Variants in ERBB3 observed in about 807,000 individuals in gnomAD.
ERBB3 encodes the protein erb-b2 receptor tyrosine kinase 3, also known as receptor tyrosine-protein kinase erbB-3.
A neutral mutation model predicts 156.7 loss-of-function variants in ERBB3; 96 were observed. The observed-to-expected ratio is 0.61, with a 90% CI of 0.52 to 0.73. The LOEUF (loss-of-function observed/expected upper bound fraction) is 0.73, where lower values mean the gene tolerates loss of function less well. Ranked by LOEUF, ERBB3 falls within the 30% of genes least tolerant of loss-of-function variation. The probability of loss-of-function intolerance (pLI) is 0.00; values close to 1 mark genes in which losing one functional copy is unlikely to be tolerated. For synonymous variants in ERBB3, 567 were observed against 632.0 expected, an observed-to-expected ratio of 0.90 and a Z score of 1.54; for missense variants, 1,406 against 1,709.4, an observed-to-expected ratio of 0.82 and a Z score of 3.13.
intron 1 of ERBB3, among the ~76,000 whole-genome samples, chr12:56,080,874 A>G (rs560822924): frequency 2.2e-4 from 34 of 152,028 alleles, no homozygotes; most frequent in African/African-American, 7.7e-4. Flanking sequence ...CTGGTGTTGG[A>G]AAAACAGGAG....
chr12:56,094,421 A>C lies in ERBB3; in HGVS notation c.1724A>C (p.Gln575Pro). 6.2e-7 allele frequency: 1 copy of C among 1,614,098 alleles called. No homozygotes were observed. Among genetic ancestry groups the C allele is most frequent in the Non-Finnish European group, 8.5e-7 (1 of 1,180,016 alleles). Residue 575 changes from glutamine to proline, a missense_variant, in exon 15 of 28, where the codon CAA becomes CCA. Coordinates refer to ENST00000267101, the MANE Select transcript of ERBB3 (RefSeq NM_001982.4). ...CNGSGSDTCA[Q>P]CAHFRDGPHC... is the part of the protein sequence containing the mutation. ...ACTCAGGGCTCTGATACTTGTGCTCAATGTGCCCATTTTCGAGATGGGCCC... is the reference window on the plus strand; with the variant it reads ...ACTCAGGGCTCTGATACTTGTGCTCCATGTGCCCATTTTCGAGATGGGCCC...
intron 1 of ERBB3, chr12:56,083,250 C>T: frequency 4.3e-6 from 1 of 230,356 alleles, no homozygotes; most frequent in South Asian, 6.4e-5. Context: ...CCAGGCACTG[C>T]CCCCACCCTC....
intron 17 of ERBB3, 33 bp downstream of exon 17, chr12:56,095,839 TC>T (rs1467067013): frequency 6.2e-7 from 1 of 1,613,476 alleles, no homozygotes; most frequent in African/African-American, 1.3e-5. Context: ...TTTTTTCTTT[TC>T]TTTTTTTGCA....
At chr12:56,093,941 T>A in intron 13 of ERBB3, 45 bp downstream of exon 13, 1 of 1,611,136 alleles carries the variant, frequency 6.2e-7, no homozygotes, top group Non-Finnish European at 8.5e-7. Flanking sequence ...GGTGGGGCCC[T>A]GCAATGGAAC....
intron 9 of ERBB3, among the ~76,000 whole-genome samples, chr12:56,089,924 A>C (rs1441720153): frequency 1.1e-5 from 1 of 87,710 alleles, no homozygotes; most frequent in Non-Finnish European, 2.5e-5. Flanking sequence ...TTTTTCCTTT[A>C]ATTTTTTATT....
Position 56,102,364 on chromosome 12 carries a change from C to A in ERBB3, c.*309C>A. 1 of 392,842 alleles carries A rather than the reference C, an allele frequency of 2.5e-6. No homozygotes were observed. The allele number at this position is 392,842 out of a possible 1,614,324, so 24.3% of individuals were successfully genotyped here. A position where few individuals can be genotyped will look rare whatever the true frequency, so the allele number is the denominator to read the frequency against. ...GATATGAAGGATTACTCTCCATATCCCTTCCTCTCAGGCTCTTGACTACTT... is the reference window on the plus strand; with the variant it reads ...GATATGAAGGATTACTCTCCATATCACTTCCTCTCAGGCTCTTGACTACTT... On this transcript the variant is annotated 3_prime_UTR_variant, in exon 28 of 28. Transcript: ENST00000267101.
intron 9 of ERBB3, 146 bp from the exon 10 acceptor site, chr12:56,092,600 AT>A (rs2136807704): frequency 2.9e-6 from 2 of 695,254 alleles, no homozygotes; most frequent in South Asian, 3.1e-5. Context: ...GGCTTATATT[AT>A]ATTTCCCCCA....
rs1425230396 is a variant in ERBB3 at position 56,087,828 on chromosome 12, G to A, written c.647G>A (p.Gly216Asp). 6.2e-7 allele frequency: 1 copy of A among 1,614,062 alleles called. No individual in the cohort carries two copies. The highest frequency in any genetic ancestry group is 2.2e-5 in the East Asian group (1 of 44,884). ...TKTICAPQCN[G>D]HCFGPNPNQC... ...ACCATCTGTGCTCCTCAGTGTAATG[G>A]TCACTGCTTTGGGCCCAACCCCAAC... The change falls in exon 6 of 28, where the codon GGT (glycine) becomes GAT (aspartate). Residue 216 changes from glycine (G) to aspartate (D), a missense_variant. By Grantham distance (94) the Gly-to-Asp change is moderately conservative (BLOSUM62 -1). Coordinates refer to ENST00000267101, the MANE Select transcript of ERBB3 (RefSeq NM_001982.4).
In ERBB3 at chr12:56,101,684, C is replaced by G; in HGVS notation, c.3658C>G (p.Leu1220Val). The change falls in exon 28 of 28, where the codon CTG (leucine) becomes GTG (valine). Residue 1220 changes from leucine (L) to valine (V), a missense_variant. Physicochemically the swap from Leu to Val is conservative, Grantham distance 32. This residue lies in a region of ERBB3 where 415 missense variants were observed against 454.1 expected (regional missense o/e 0.91). Coordinates refer to ENST00000267101, the MANE Select transcript of ERBB3 (RefSeq NM_001982.4). ...HPPRPSSLEE[L>V]GYEYMDVGSD... is the part of the protein sequence containing the mutation. ...CCCTAGGCCAAGTTCCCTTGAGGAG[C>G]TGGGTTATGAGTACATGGATGTGGG... The G allele has an allele frequency of 6.2e-7, 1 of 1,614,016 alleles. No individual in the cohort carries two copies. Among genetic ancestry groups the G allele is most frequent in the Non-Finnish European group, 8.5e-7 (1 of 1,180,022 alleles).
chr12:56,096,652 T>A, intron 18 of ERBB3, 30 bp downstream of exon 18: 1 of 1,613,804 alleles, frequency 6.2e-7, no homozygotes. Context: ...TCTGGAGAGG[T>A]GGGGAAGGCA....
At chr12:56,085,797 C>T (rs1447237604) in intron 3 of ERBB3, among the ~76,000 whole-genome samples, 17 of 144,694 alleles carry the variant, frequency 1.2e-4, no homozygotes, top group African/African-American at 4.4e-4. Flanking sequence ...AGCCTGGGCG[C>T]GGTGGCTCAC....
chr12:56,100,643 TAAA>T (rs11317236), intron 26 of ERBB3, among the ~76,000 whole-genome samples: 27 of 124,754 alleles, frequency 2.2e-4, no homozygotes, highest in Admixed American at 2.4e-4. Flanking sequence ...CCCTGTCTCT[TAAA>T]AAAAAAAAAA....
intron 27 of ERBB3, 25 bp downstream of exon 27, chr12:56,101,386 C>T (rs201244150): frequency 6.2e-7 from 1 of 1,612,634 alleles, no homozygotes; most frequent in Non-Finnish European, 8.5e-7. Context: ...CTAGGGCTTT[C>T]CTCAATTTTT....
chr12:56,092,723 A>G (rs369439660), intron 9 of ERBB3, 24 bp from the exon 10 acceptor site: 1 of 1,570,052 alleles, frequency 6.4e-7, no homozygotes, highest in African/African-American at 1.4e-5. Flanking sequence ...TACCTTATTG[A>G]CTGGTTTCTA....
chr12:56,087,900 A>G lies in ERBB3; in HGVS notation c.719A>G (p.Asp240Gly). Residue 240 changes from aspartate (D) to glycine (G), a missense_variant, in exon 6 of 28, where the codon GAC becomes GGC. By Grantham distance (94) the Asp-to-Gly change is moderately conservative. Coordinates refer to ENST00000267101, the MANE Select transcript of ERBB3 (RefSeq NM_001982.4). ...GCCGGGGGCTGCTCAGGCCCTCAGG[A>G]CACAGACTGCTTTGTATGTACCCTT... The part of the protein sequence containing the change: ...ECAGGCSGPQ[D>G]TDCFACRHFN... 1 of 1,614,152 alleles carries G rather than the reference A, an allele frequency of 6.2e-7. No homozygotes were observed. The highest frequency in any genetic ancestry group is 8.5e-7 in the Non-Finnish European group (1 of 1,179,986).
At chr12:56,100,656 A>G (rs1287493720) in intron 26 of ERBB3, among the ~76,000 whole-genome samples, 2 of 149,168 alleles carry the variant, frequency 1.3e-5, no homozygotes, top group Non-Finnish European at 3.0e-5. Context: ...AAAAAAAAAA[A>G]AAAGGCCAGG....
intron 11 of ERBB3, 105 bp downstream of exon 11, chr12:56,093,181 A>C (rs752128383): frequency 4.5e-4 from 530 of 1,172,204 alleles, no homozygotes; most frequent in Non-Finnish European, 6.2e-4. Flanking sequence ...CAGTGCCTCA[A>C]AACCAAAGGG....
Position 56,102,912 on chromosome 12 carries a change from A to G in ERBB3, c.*857A>G, listed in dbSNP as rs959745716. On this transcript the variant is annotated 3_prime_UTR_variant, in exon 28 of 28. Transcript: ENST00000267101. ...GAGGCTGAGATGGGAAGATCACTTG[A>G]GCCCAGAATTAGAGATAAGCCTATG... 3 of 220,210 alleles carry G rather than the reference A, an allele frequency of 1.4e-5. No homozygotes were observed. Among genetic ancestry groups the G allele is most frequent in the African/African-American group, 6.8e-5 (3 of 44,284 alleles). 13.6% of individuals were successfully genotyped at this position (220,210 alleles called of 1,614,324 possible).
rs2136781388 is a variant in ERBB3, at chr12:56,080,337, CT to C, written c.41del (p.Phe14SerfsTer20). 6.3e-7 allele frequency: 1 copy of C among 1,591,256 alleles called. No homozygotes were observed. Among genetic ancestry groups the C allele is most frequent in the Admixed American group, 1.8e-5 (1 of 57,086 alleles). On this transcript the variant is annotated frameshift_variant, in exon 1 of 28. Coordinates refer to ENST00000267101, the MANE Select transcript of ERBB3 (RefSeq NM_001982.4). LOFTEE classifies it high-confidence loss of function. ...CGACGCTCTGCAGGTGCTGGGCTTGCTTTTCAGCCTGGCCCGGGGCTCCGAG... is the reference window on the plus strand; with the variant it reads ...CGACGCTCTGCAGGTGCTGGGCTTGCTTTCAGCCTGGCCCGGGGCTCCGAG... Reference protein sequence around the residue: ...ANDALQVLGLLFSLARGSEVG... With the variant: ...ANDALQVLGLXFSLARGSEVG...
Sources: gnomAD v4.1 joint callset for allele counts (sites outside exome capture counted in the v4.1 genomes callset) on GRCh38, gnomAD v4.1.1 for gene constraint, gnomAD v4.1.1 regional missense constraint, MANE v1.5 for transcripts, NCBI Gene and HGNC (gene_info 2026-07-23, HGNC 2026-07-21) for gene names.